EYA1: variants seen among roughly 807,000 people sequenced by gnomAD.
The protein encoded by EYA1 is EYA transcriptional coactivator and phosphatase 1.
In EYA1, 16 loss-of-function variants were observed where a neutral mutation model predicts 82.0. The ratio of observed to expected loss-of-function variants is 0.20; its 90% CI spans 0.13 to 0.30. EYA1 has a LOEUF of 0.30. Among genes scored for constraint, EYA1 ranks in the 10% least tolerant of loss-of-function variants. The probability of loss-of-function intolerance (pLI) is 1.00; values close to 1 mark genes in which losing one functional copy is unlikely to be tolerated. For synonymous variants in EYA1, 261 were observed against 264.4 expected, an observed-to-expected ratio of 0.99 and a Z score of 0.12; for missense variants, 633 against 730.7, an observed-to-expected ratio of 0.87 and a Z score of 1.54.
chr8:71,392,617 G>T (rs1829344916), intron 2 of EYA1, among the ~76,000 whole-genome samples: 1 of 151,986 alleles, frequency 6.6e-6, no homozygotes, highest in Non-Finnish European at 1.5e-5. Context: ...CTTTAAAAAA[G>T]GTACTAAATG....
At chr8:71,248,083 G>C (rs1028525703) in intron 11 of EYA1, among the ~76,000 whole-genome samples, 23 of 152,144 alleles carry the variant, frequency 1.5e-4, no homozygotes, top group Non-Finnish European at 2.5e-4. Context: ...GTAATGACTT[G>C]CTAGTCAGAA....
At chr8:71,507,007 A>G (rs1391180380) in intron 2 of EYA1, among the ~76,000 whole-genome samples, 1 of 152,178 alleles carries the variant, frequency 6.6e-6, no homozygotes, top group Non-Finnish European at 1.5e-5. Context: ...GAAATAACCG[A>G]AATTCAACAG....
At chr8:71,473,353 CAA>C (rs35494054) in intron 2 of EYA1, among the ~76,000 whole-genome samples, 311 of 86,658 alleles carry the variant, frequency 3.6e-3, no homozygotes, top group African/African-American at 9.4e-3. Context: ...AACAAATTTA[CAA>C]AAAAAAAAAA....
intron 1 of EYA1, chr8:71,547,461 T>C (rs1815733301): frequency 6.6e-6 from 1 of 152,052 alleles, no homozygotes; most frequent in Non-Finnish European, 1.5e-5. Flanking sequence ...CGGCCACGGC[T>C]CAAGGCCCCA....
At chr8:71,394,081 A>G (rs1181277984) in intron 2 of EYA1, among the ~76,000 whole-genome samples, 1 of 152,196 alleles carries the variant, frequency 6.6e-6, no homozygotes. Context: ...GGCTGCATAA[A>G]TGTCTTCTTT....
At chr8:71,339,501 G>A (rs1330704656) in intron 3 of EYA1, among the ~76,000 whole-genome samples, 1 of 151,962 alleles carries the variant, frequency 6.6e-6, no homozygotes, top group African/African-American at 2.4e-5. Flanking sequence ...TGTTTCCACT[G>A]AGTTTTTTCC....
At chr8:71,249,699 G>T (rs1813516879) in intron 11 of EYA1, among the ~76,000 whole-genome samples, 1 of 152,090 alleles carries the variant, frequency 6.6e-6, no homozygotes, top group African/African-American at 2.4e-5. Flanking sequence ...TCACCTTGTG[G>T]ACTCAAGCAC....
At chr8:71,494,560 A>G (rs2129228940) in intron 2 of EYA1, among the ~76,000 whole-genome samples, 1 of 152,314 alleles carries the variant, frequency 6.6e-6, no homozygotes, top group East Asian at 1.9e-4. Context: ...ACAGGGGCAA[A>G]GGAATTTTAA....
At position 71,215,642 on chromosome 8, in the gene EYA1, G is replaced by T; in HGVS notation, c.1447C>A (p.Leu483Met). ...ALTDSWLTLALKALSLIHSRT... is the reference protein window; with the variant it reads ...ALTDSWLTLAMKALSLIHSRT... ...GAGTGAATGAGCGAGAGTGCTTTCAGGGCCAGTGTCAACCAGGAGTCGGTC... is the reference window on the plus strand; with the variant it reads ...GAGTGAATGAGCGAGAGTGCTTTCATGGCCAGTGTCAACCAGGAGTCGGTC... The change falls in exon 15 of 18, where the codon CTG (leucine) becomes ATG (methionine). Residue 483 changes from leucine (L) to methionine (M), a missense_variant. Coordinates refer to ENST00000340726, the MANE Select transcript of EYA1 (RefSeq NM_000503.6). 6.2e-7 allele frequency: 1 copy of T among 1,614,154 alleles called. No individual in the cohort carries two copies. Among genetic ancestry groups the T allele is most frequent in the Non-Finnish European group, 8.5e-7 (1 of 1,180,002 alleles).
At chr8:71,322,548 T>C (rs553310455) in intron 4 of EYA1, 5 of 434,618 alleles carry the variant, frequency 1.2e-5, no homozygotes, top group African/African-American at 8.1e-5. Flanking sequence ...ATGCTGTGAG[T>C]TTTTACAGTG....
intron 3 of EYA1, among the ~76,000 whole-genome samples, chr8:71,343,616 C>T (rs1422959502): frequency 6.6e-6 from 1 of 152,134 alleles, no homozygotes; most frequent in Non-Finnish European, 1.5e-5. Flanking sequence ...CAAGAAGATC[C>T]TCACCAGATA....
At chr8:71,387,802 T>G (rs1829049597) in intron 2 of EYA1, among the ~76,000 whole-genome samples, 1 of 152,130 alleles carries the variant, frequency 6.6e-6, no homozygotes, top group African/African-American at 2.4e-5. Context: ...AAATGCAAGC[T>G]GGAGACATAT....
At chr8:71,362,835 A>G (rs1827516448), upstream of EYA1, among the ~76,000 whole-genome samples, 1 of 152,218 alleles carries the variant, frequency 6.6e-6, no homozygotes, top group Admixed American at 6.5e-5. Context: ...ACAGTCTATA[A>G]CACTCACCTA....
intron 2 of EYA1, among the ~76,000 whole-genome samples, chr8:71,431,671 GTCTTCTTTTAAGGAAAC>G (rs1805625943): frequency 6.6e-6 from 1 of 152,072 alleles, no homozygotes; most frequent in Admixed American, 6.6e-5. Context: ...TTTGAGGAAA[GTCTTCTTTTAAGGAAAC>G]TCAAGATAAG....
At chr8:71,310,389 T>C (rs2129014556) in intron 7 of EYA1, among the ~76,000 whole-genome samples, 2 of 152,318 alleles carry the variant, frequency 1.3e-5, no homozygotes, top group Middle Eastern at 3.4e-3. Flanking sequence ...CATTAGTTAT[T>C]TTTCCTGATC....
At chr8:71,287,373 T>C (rs761993939) in intron 9 of EYA1, among the ~76,000 whole-genome samples, 2 of 152,190 alleles carry the variant, frequency 1.3e-5, no homozygotes, top group Non-Finnish European at 2.9e-5. Context: ...GAATTAATCT[T>C]AGAGAATTGC....
chr8:71,406,724 C>T (rs556881567), intron 2 of EYA1, among the ~76,000 whole-genome samples: 137 of 151,968 alleles, frequency 9.0e-4, no homozygotes, highest in African/African-American at 3.1e-3. Context: ...GAGGGTCCTA[C>T]GCCCACGGAA....
intron 2 of EYA1, among the ~76,000 whole-genome samples, chr8:71,461,907 C>T (rs1413284025): frequency 6.6e-6 from 1 of 152,126 alleles, no homozygotes; most frequent in Non-Finnish European, 1.5e-5. Flanking sequence ...GTTCAGGTCG[C>T]AGCAGCCAGG....
intron 2 of EYA1, among the ~76,000 whole-genome samples, chr8:71,418,026 T>C (rs1289009396): frequency 6.6e-6 from 1 of 152,202 alleles, no homozygotes; most frequent in Non-Finnish European, 1.5e-5. Flanking sequence ...CCTTAGGGCA[T>C]ACCCTCTCAT....
Sources: allele counts gnomAD v4.1 joint callset (sites outside exome capture counted in the v4.1 genomes callset), GRCh38; gene constraint gnomAD v4.1.1; transcripts MANE v1.5; gene names NCBI Gene and HGNC (gene_info 2026-07-23, HGNC 2026-07-21).